The following PAK2 variants were observed in gnomAD, a reference collection of about 807,000 sequenced individuals.
PAK2 encodes the protein serine/threonine-protein kinase PAK 2.
In PAK2, 21 loss-of-function variants were observed where a neutral mutation model predicts 65.9. The observed-to-expected ratio is 0.32, with a 90% CI of 0.23 to 0.46. The LOEUF (loss-of-function observed/expected upper bound fraction) is 0.46. Among genes scored for constraint, PAK2 ranks in the 20% least tolerant of loss-of-function variants. The probability of loss-of-function intolerance (pLI) is 1.00; values close to 1 mark genes in which losing one functional copy is unlikely to be tolerated. For synonymous variants in PAK2, 204 were observed against 219.7 expected, an observed-to-expected ratio of 0.93 and a Z score of 0.63; for missense variants, 324 against 642.6, an observed-to-expected ratio of 0.50 and a Z score of 5.36.
intron 4 of PAK2, among the ~76,000 whole-genome samples, chr3:196,804,617 G>A (rs571230366): frequency 5.2e-4 from 79 of 151,886 alleles, no homozygotes; most frequent in Non-Finnish European, 7.5e-4. Flanking sequence ...ACAAGCATGC[G>A]CCGCCACACC....
intron 7 of PAK2, 104 bp downstream of exon 7, chr3:196,808,018 A>C: frequency 8.9e-7 from 1 of 1,128,512 alleles, no homozygotes. Flanking sequence ...CTTAAAGTAT[A>C]AAGAATAAAT....
chr3:196,820,350 CTGTT>C lies in PAK2; in HGVS notation c.1154-19_1154-16del. ...AAACCATCCATGGAAGCCATTAACT[CTGTT>C]TTGTTTTGTTTTGTAGCTGACTTTG... is the stretch of plus-strand genomic sequence containing the variant. On this transcript the variant is annotated splice_polypyrimidine_tract_variant and intron_variant, in intron 12 of 14. Coordinates refer to ENST00000327134, the MANE Select transcript of PAK2 (RefSeq NM_002577.4). This position sits in a 1 kb window ranked among gnomAD's most constrained non-coding sequence, Gnocchi z 4.6. The C allele has an allele frequency of 6.7e-7, 1 of 1,493,536 alleles. No individual in the cohort carries two copies. The highest frequency in any genetic ancestry group is 1.3e-5 in the South Asian group (1 of 76,748). The allele number at this position is 1,493,536 out of a possible 1,614,324, so 92.5% of individuals were successfully genotyped here. A position where few individuals can be genotyped will look rare whatever the true frequency, so the allele number is the denominator to read the frequency against.
chr3:196,759,631 ATTC>A (rs1713897468), intron 1 of PAK2, among the ~76,000 whole-genome samples: 1 of 148,770 alleles, frequency 6.7e-6, no homozygotes, highest in East Asian at 2.0e-4. Flanking sequence ...GGTTCAAGCA[ATTC>A]TTCTGCCTCA....
In PAK2 at chr3:196,791,014, A is replaced by C. The variant is rs1044283375; in HGVS notation, c.187+8181A>C. On this transcript the variant is annotated intron_variant, in intron 2 of 14. Transcript: ENST00000327134. This position sits in a 1 kb window ranked among gnomAD's most constrained non-coding sequence, Gnocchi z 4.0. ...TTCAGCCAAACTTTGAAGCTATGCA[A>C]AACTCCCCGGCCTTCCAAGCAGGTT... Among the ~76,000 whole-genome samples the C allele has an allele frequency of 7.2e-5, 11 of 152,146 alleles. No individual in the cohort carries two copies. The highest frequency in any genetic ancestry group is 2.7e-4 in the African/African-American group (11 of 41,426).
chr3:196,787,455 T>C (rs1714927628), intron 2 of PAK2, among the ~76,000 whole-genome samples: 1 of 151,938 alleles, frequency 6.6e-6, no homozygotes, highest in African/African-American at 2.4e-5. Flanking sequence ...GGCAGGTGCC[T>C]GTAGTCCCAG....
chr3:196,790,348 T>C (rs954393419), intron 2 of PAK2, among the ~76,000 whole-genome samples: 34 of 152,216 alleles, frequency 2.2e-4, no homozygotes, highest in Non-Finnish European at 8.8e-5. Flanking sequence ...GCCTGCCTGC[T>C]GCTGCTGTTT....
intron 2 of PAK2, among the ~76,000 whole-genome samples, chr3:196,799,326 C>G (rs922306254): frequency 2.0e-5 from 3 of 152,170 alleles, no homozygotes; most frequent in African/African-American, 7.2e-5. Flanking sequence ...AGGCAGAAAT[C>G]TGATGAAACA....
At chr3:196,799,272 T>G (rs1415011052) in intron 2 of PAK2, among the ~76,000 whole-genome samples, 1 of 152,116 alleles carries the variant, frequency 6.6e-6, no homozygotes, top group African/African-American at 2.4e-5. Context: ...AAAAGGGAAT[T>G]TTAAAACTGC....
intron 8 of PAK2, among the ~76,000 whole-genome samples, chr3:196,811,754 T>A (rs2108765386): frequency 6.6e-6 from 1 of 152,232 alleles, no homozygotes; most frequent in South Asian, 2.1e-4. Flanking sequence ...AGACAAAGTA[T>A]ATTTTATAGG....
At chr3:196,784,236 TTA>T (rs201509684) in intron 2 of PAK2, among the ~76,000 whole-genome samples, 3,708 of 124,162 alleles carry the variant, frequency 0.03, 51 homozygotes, top group Middle Eastern at 0.072. Flanking sequence ...TTTTTTTTTT[TTA>T]ATTATACTTT....
intron 1 of PAK2, among the ~76,000 whole-genome samples, chr3:196,751,660 A>AAAATATATATATATATATATAT (rs1713587736): frequency 2.5e-5 from 1 of 40,244 alleles, no homozygotes; most frequent in Non-Finnish European, 4.1e-5. Context: ...AAAACACACA[A>AAAATATATATATATATATATAT]ATTTATTTAT....
chr3:196,814,421 G>A (rs758315955), intron 10 of PAK2, 30 bp from the exon 11 acceptor site: 1 of 794,726 alleles, frequency 1.3e-6, no homozygotes, highest in Admixed American at 2.3e-5. Context: ...AAATAAAAGT[G>A]TGACTGTATT....
intron 11 of PAK2, among the ~76,000 whole-genome samples, chr3:196,817,558 G>C (rs1253806807): frequency 6.6e-6 from 1 of 150,702 alleles, no homozygotes; most frequent in African/African-American, 2.5e-5. Context: ...TCACCATGTT[G>C]GCCAGGCTGG....
rs943323267 is a variant in PAK2, at chr3:196,773,892, A to G, written c.-21-8734A>G. On this transcript the variant is annotated intron_variant, in intron 1 of 14. Coordinates refer to ENST00000327134, the MANE Select transcript of PAK2 (RefSeq NM_002577.4). Reference sequence around the variant, plus strand: ...AAAGCAAAACAAAACAACAAATTCAATTAGCCGGGCGTGGTGGCGCACTCC... The same window carrying G: ...AAAGCAAAACAAAACAACAAATTCAGTTAGCCGGGCGTGGTGGCGCACTCC... Among the ~76,000 whole-genome samples the G allele has an allele frequency of 4.0e-5, 6 of 151,608 alleles. No homozygotes were observed. In the South Asian group the frequency reaches 8.4e-4, roughly 21 times the overall value.
At chr3:196,810,186 C>A (rs1715727053) in intron 7 of PAK2, among the ~76,000 whole-genome samples, 1 of 151,776 alleles carries the variant, frequency 6.6e-6, no homozygotes, top group Admixed American at 6.6e-5. Flanking sequence ...TCAAATATAT[C>A]TATTTTATAT....
chr3:196,795,171 T>A (rs1577727082), intron 2 of PAK2, among the ~76,000 whole-genome samples: 1 of 151,808 alleles, frequency 6.6e-6, no homozygotes, highest in African/African-American at 2.4e-5. Flanking sequence ...AAACCAGTGT[T>A]AGGGCTGGGC....
At chr3:196,780,393 G>A (rs113895743) in intron 1 of PAK2, among the ~76,000 whole-genome samples, 8 of 152,320 alleles carry the variant, frequency 5.3e-5, no homozygotes, top group African/African-American at 1.4e-4. Flanking sequence ...GGCGGAAGGC[G>A]AGGAGGAGCA....
intron 13 of PAK2, among the ~76,000 whole-genome samples, chr3:196,823,564 C>A (rs1032844565): frequency 7.3e-5 from 11 of 150,336 alleles, no homozygotes; most frequent in South Asian, 2.1e-4. Flanking sequence ...AACAAACAAA[C>A]AAACAAAAAA....
chr3:196,758,766 A>T (rs1305020420), intron 1 of PAK2, among the ~76,000 whole-genome samples: 2 of 152,060 alleles, frequency 1.3e-5, no homozygotes. Flanking sequence ...GGCGATTCTC[A>T]TGCCTCAGCC....
Sources: allele counts gnomAD v4.1 joint callset (sites outside exome capture counted in the v4.1 genomes callset), GRCh38; gene constraint gnomAD v4.1.1; non-coding constraint Gnocchi (gnomAD v3.1); transcripts MANE v1.5; gene names NCBI Gene and HGNC (gene_info 2026-07-23, HGNC 2026-07-21).